Variants in RP1 observed in about 807,000 individuals in gnomAD.
RP1 encodes oxygen-regulated protein 1.
Under a neutral mutation model 14.8 loss-of-function variants are expected in RP1, and 16 were observed. That is an observed-to-expected ratio of 1.08 (90% CI 0.73 to 1.65). RP1 has a LOEUF of 1.65. Among genes scored for constraint, RP1 ranks in the 40% most tolerant of loss-of-function variants. The pLI is 0.00. For synonymous variants in RP1, 876 were observed against 883.6 expected (o/e 0.99, Z 0.15); for missense variants, 2,631 against 2,535.0 (o/e 1.04, Z -0.81).
chr8:54,863,044 G>GACAT, intron 27 of RP1, among the ~76,000 whole-genome samples: 1 of 101,848 alleles, frequency 9.8e-6, no homozygotes, highest in East Asian at 3.4e-4. Flanking sequence ...ATTCCAAATG[G>GACAT]ATATATATAT....
intron 24 of RP1, among the ~76,000 whole-genome samples, chr8:54,793,281 C>T (rs1281467341): frequency 2.0e-5 from 3 of 151,824 alleles, no homozygotes; most frequent in Admixed American, 6.6e-5. Context: ...CCATCTCAAA[C>T]TCTTCTAAAA....
At chr8:54,768,724 A>T (rs185215878) in intron 22 of RP1, among the ~76,000 whole-genome samples, 1 of 152,322 alleles carries the variant, frequency 6.6e-6, no homozygotes, top group African/African-American at 2.4e-5. Flanking sequence ...TCACAAAGCC[A>T]GTAAATGGCA....
chr8:54,567,380 A>G (rs866748961), intron 1 of RP1, among the ~76,000 whole-genome samples: 6 of 152,194 alleles, frequency 3.9e-5, no homozygotes, highest in African/African-American at 1.4e-4. Context: ...GGAAACTACA[A>G]AAGGCTTTAT....
At chr8:54,578,132 T>C (rs892521626) in intron 1 of RP1, among the ~76,000 whole-genome samples, 1 of 152,088 alleles carries the variant, frequency 6.6e-6, no homozygotes, top group Non-Finnish European at 1.5e-5. Flanking sequence ...TGGAGTGTGA[T>C]GTTCCCCTGA....
At chr8:54,773,861 T>C (rs893938997), downstream of RP1, among the ~76,000 whole-genome samples, 2 of 152,188 alleles carry the variant, frequency 1.3e-5, no homozygotes, top group African/African-American at 4.8e-5. Flanking sequence ...TACTCATTTA[T>C]TTATAGGCAA....
rs528006963 is a variant in RP1, at chr8:54,697,189, T to G, written c.1718-2278T>G. On this transcript the variant is annotated intron_variant, in intron 12 of 22. Transcript: ENST00000636932. ...AGTGGAAGCATGTGTTTCCTTTTTT[T>G]GGGGGAATTTTTATCCAGAGAAGAT... is the stretch of plus-strand genomic sequence containing the variant. 513 of 734,796 alleles carry G rather than the reference T, an allele frequency of 7.0e-4. 3 individuals are homozygous for G. Among genetic ancestry groups the G allele is most frequent in the Non-Finnish European group, 7.5e-4 (319 of 426,566 alleles). 45.5% of individuals were successfully genotyped at this position (734,796 alleles called of 1,614,324 possible).
intron 12 of RP1, among the ~76,000 whole-genome samples, chr8:54,688,080 T>A (rs1380310249): frequency 6.6e-6 from 1 of 152,358 alleles, no homozygotes; most frequent in East Asian, 1.9e-4. Context: ...TAGCTTTTTT[T>A]CACATGTTTG....
At chr8:54,607,641 G>A (rs1303822828) in intron 1 of RP1, among the ~76,000 whole-genome samples, 1 of 152,204 alleles carries the variant, frequency 6.6e-6, no homozygotes, top group East Asian at 1.9e-4. Context: ...TGCCCCCAGA[G>A]GTGGAGTCTA....
chr8:54,764,452 A>G (rs115194844), intron 22 of RP1, among the ~76,000 whole-genome samples: 37 of 152,336 alleles, frequency 2.4e-4, no homozygotes, highest in African/African-American at 8.9e-4. Flanking sequence ...CACCTCTGCC[A>G]GGAGATATTT....
At position 54,673,893 on chromosome 8, in the gene RP1, G is replaced by GT; in HGVS notation, c.1368dup (p.Lys457Ter). On this transcript the variant is annotated frameshift_variant, in exon 8 of 23. Coordinates refer to the RP1 transcript ENST00000636932. LOFTEE classifies it high-confidence loss of function. ...GAGGCTGTGCACCTTGGAGATTTGT[G>GT]TAAGATTGTGATAGGCCATGATGGA... 1 of 1,535,928 alleles carries GT rather than the reference G, an allele frequency of 6.5e-7. No homozygotes were observed. The highest frequency in any genetic ancestry group is 8.7e-7 in the Non-Finnish European group (1 of 1,146,794).
At chr8:54,754,697 C>G (rs2129366818) in intron 19 of RP1, 1 of 1,124,398 alleles carries the variant, frequency 8.9e-7, no homozygotes, top group Non-Finnish European at 1.2e-6. Context: ...TCACCATCAT[C>G]AGAGTATGCA....
At chr8:54,836,787 T>A (rs1285814982) in intron 24 of RP1, among the ~76,000 whole-genome samples, 1 of 152,190 alleles carries the variant, frequency 6.6e-6, no homozygotes, top group African/African-American at 2.4e-5. Flanking sequence ...AAATGGGTCT[T>A]ATTTCAAGTA....
At chr8:54,750,443 G>T (rs1430652734) in intron 19 of RP1, among the ~76,000 whole-genome samples, 1 of 152,150 alleles carries the variant, frequency 6.6e-6, no homozygotes, top group East Asian at 1.9e-4. Context: ...CTGTTAACTT[G>T]GAAAATTTAG....
intron 23 of RP1, among the ~76,000 whole-genome samples, chr8:54,777,383 C>A (rs1810070075): frequency 6.6e-6 from 1 of 152,138 alleles, no homozygotes; most frequent in Non-Finnish European, 1.5e-5. Context: ...ACAAGAGATT[C>A]GTCTTAGACC....
At chr8:54,715,386 G>A (rs188873139) in intron 15 of RP1, among the ~76,000 whole-genome samples, 4 of 152,226 alleles carry the variant, frequency 2.6e-5, no homozygotes, top group Admixed American at 2.6e-4. Flanking sequence ...ATTTTTAAAT[G>A]AAAGCAGGAA....
At chr8:54,829,717 A>G (rs1051297435) in intron 24 of RP1, among the ~76,000 whole-genome samples, 1 of 152,204 alleles carries the variant, frequency 6.6e-6, no homozygotes, top group Non-Finnish European at 1.5e-5. Flanking sequence ...AACTGACTGA[A>G]CCAAGTAAAT....
In RP1 at chr8:54,701,485, G is replaced by A. The variant is rs1434442351; in HGVS notation, c.1822-1G>A. 1 of 1,511,034 alleles carries A rather than the reference G, an allele frequency of 6.6e-7. No homozygotes were observed. The highest frequency in any genetic ancestry group is 2.5e-5 in the East Asian group (1 of 40,540). The allele number at this position is 1,511,034 out of a possible 1,614,324, so 93.6% of individuals were successfully genotyped here. On this transcript the variant is annotated splice_acceptor_variant, in intron 13 of 22. Transcript: ENST00000636932. LOFTEE classifies it high-confidence loss of function. ...GAGGGTTTTTTTGTTTTTCCTTTTA[G>A]GTTAGTGGTGAAGCCACCACTGAGC... is the stretch of plus-strand genomic sequence containing the variant.
intron 16 of RP1, among the ~76,000 whole-genome samples, chr8:54,724,735 G>C (rs554440179): frequency 6.7e-4 from 102 of 152,282 alleles, no homozygotes; most frequent in African/African-American, 2.4e-3. Flanking sequence ...TCTCTACAGA[G>C]CGATAGGAAC....
At chr8:54,679,689 G>A (rs1807380405) in intron 11 of RP1, 17 of 1,520,844 alleles carry the variant, frequency 1.1e-5, no homozygotes, top group Non-Finnish European at 1.5e-5. Flanking sequence ...ACTATTTGAT[G>A]TGTTAAAACA....
Sources: allele counts gnomAD v4.1 joint callset (sites outside exome capture counted in the v4.1 genomes callset), GRCh38; gene constraint gnomAD v4.1.1; transcripts MANE v1.5; gene names NCBI Gene and HGNC (gene_info 2026-07-23, HGNC 2026-07-21).